CPE: variants seen among roughly 807,000 people sequenced by gnomAD.
CPE encodes carbocypeptidase E.
CPE carries 17 observed loss-of-function variants against 53.5 expected under a neutral mutation model. The observed-to-expected ratio is 0.32, with a 90% CI of 0.22 to 0.48. The LOEUF (loss-of-function observed/expected upper bound fraction) is 0.48, where lower values mean the gene tolerates loss of function less well. Ranked by LOEUF, CPE falls within the 20% of genes least tolerant of loss-of-function variation. CPE has a pLI of 0.99. For synonymous variants in CPE, 226 were observed against 228.8 expected, an observed-to-expected ratio of 0.99 and a Z score of 0.11; for missense variants, 524 against 614.7, an observed-to-expected ratio of 0.85 and a Z score of 1.56.
intron 1 of CPE, among the ~76,000 whole-genome samples, chr4:165,407,942 A>G (rs1382093132): frequency 6.6e-6 from 1 of 151,778 alleles, no homozygotes; most frequent in South Asian, 2.1e-4. Flanking sequence ...CAGCCTCCCA[A>G]TTAGCTGAGA....
At chr4:165,439,998 T>G (rs1731579975) in intron 1 of CPE, among the ~76,000 whole-genome samples, 1 of 152,226 alleles carries the variant, frequency 6.6e-6, no homozygotes, top group South Asian at 2.1e-4. Context: ...TTTAATACCT[T>G]AGCTCAAAGA....
intron 1 of CPE, among the ~76,000 whole-genome samples, chr4:165,427,414 T>C (rs11728234): frequency 0.3 from 44,935 of 152,070 alleles, 6,734 homozygotes; most frequent in Middle Eastern, 0.39. Context: ...CATAAACATT[T>C]CCTGAACCAT....
chr4:165,466,730 A>T (rs1043064015), intron 2 of CPE, among the ~76,000 whole-genome samples: 5 of 152,064 alleles, frequency 3.3e-5, no homozygotes, highest in African/African-American at 1.2e-4. Flanking sequence ...GTTGGCCAGG[A>T]TGGTCTTGAT....
chr4:165,393,208 T>C (rs1394892070), intron 1 of CPE, among the ~76,000 whole-genome samples: 1 of 152,134 alleles, frequency 6.6e-6, no homozygotes, highest in East Asian at 1.9e-4. Context: ...TTTGAGTTAT[T>C]GAAGGAGAAT....
At chr4:165,481,014 A>T (rs200675759) in intron 3 of CPE, among the ~76,000 whole-genome samples, 1,046 of 52,838 alleles carry the variant, frequency 0.02, 11 homozygotes, top group African/African-American at 0.032. Context: ...ATATATATAT[A>T]TATTTTTTTT....
intron 1 of CPE, among the ~76,000 whole-genome samples, chr4:165,450,727 T>C (rs897273725): frequency 6.6e-6 from 1 of 152,214 alleles, no homozygotes; most frequent in African/African-American, 2.4e-5. Flanking sequence ...GTATCTAACA[T>C]CAGATTTAAT....
At chr4:165,467,418 T>C (rs1732127679) in intron 2 of CPE, among the ~76,000 whole-genome samples, 1 of 152,216 alleles carries the variant, frequency 6.6e-6, no homozygotes, top group African/African-American at 2.4e-5. Flanking sequence ...GCAATAGGAA[T>C]TTTTCACCTC....
At chr4:165,412,809 A>G (rs1731062229) in intron 1 of CPE, among the ~76,000 whole-genome samples, 1 of 152,234 alleles carries the variant, frequency 6.6e-6, no homozygotes, top group Admixed American at 6.5e-5. Context: ...TAGAGTCATC[A>G]TCTTCACCTC....
intron 1 of CPE, among the ~76,000 whole-genome samples, chr4:165,391,686 C>T (rs1443209325): frequency 1.3e-5 from 2 of 152,076 alleles, no homozygotes; most frequent in African/African-American, 2.4e-5. Flanking sequence ...ATATTTGTAG[C>T]GCGAATGTAC....
At chr4:165,458,543 C>G (rs1029678089) in intron 1 of CPE, among the ~76,000 whole-genome samples, 1 of 152,172 alleles carries the variant, frequency 6.6e-6, no homozygotes, top group African/African-American at 2.4e-5. Context: ...TGGGAGAATT[C>G]TGTTACTATA....
intron 3 of CPE, among the ~76,000 whole-genome samples, chr4:165,472,652 T>C (rs72703689): frequency 0.15 from 22,183 of 152,206 alleles, 1,975 homozygotes; most frequent in East Asian, 0.24. Flanking sequence ...TGATTAGGCA[T>C]AGAATTTTTT....
At chr4:165,411,772 G>A (rs540745672) in intron 1 of CPE, among the ~76,000 whole-genome samples, 1 of 152,286 alleles carries the variant, frequency 6.6e-6, no homozygotes, top group East Asian at 1.9e-4. Flanking sequence ...AGTGAAAAGT[G>A]TGCTCTTGTT....
At chr4:165,481,016 A>ATATT (rs1491161430) in intron 3 of CPE, among the ~76,000 whole-genome samples, 2 of 110,996 alleles carry the variant, frequency 1.8e-5, no homozygotes, top group South Asian at 3.2e-4. Context: ...ATATATATAT[A>ATATT]TTTTTTTTTT....
intron 4 of CPE, 141 bp from the exon 5 acceptor site, chr4:165,484,281 A>C: frequency 1.3e-6 from 1 of 763,410 alleles, no homozygotes. Flanking sequence ...TTAGTATTTA[A>C]ATTTTACCTC....
chr4:165,484,654 T>A, intron 5 of CPE, 50 bp downstream of exon 5: 1 of 1,536,840 alleles, frequency 6.5e-7, no homozygotes, highest in Non-Finnish European at 8.9e-7. Context: ...TTATTTACAA[T>A]GACCATTTAG....
At chr4:165,452,880 T>C (rs1731835410) in intron 1 of CPE, among the ~76,000 whole-genome samples, 1 of 152,200 alleles carries the variant, frequency 6.6e-6, no homozygotes, top group Non-Finnish European at 1.5e-5. Context: ...TCAAACCTTC[T>C]GAAGGATGAC....
At chr4:165,404,389 TAAAA>T (rs1730919969) in intron 1 of CPE, 2 of 766,586 alleles carry the variant, frequency 2.6e-6, no homozygotes, top group East Asian at 4.9e-5. Flanking sequence ...TCAGACTTGC[TAAAA>T]TACCGTTCAT....
chr4:165,476,791 C>T (rs1170774169), intron 3 of CPE, among the ~76,000 whole-genome samples: 1 of 152,186 alleles, frequency 6.6e-6, no homozygotes, highest in Non-Finnish European at 1.5e-5. Flanking sequence ...CTGGCAGAAC[C>T]TGATAAGTGA....
At chr4:165,423,305 T>C (rs1009703576) in intron 1 of CPE, among the ~76,000 whole-genome samples, 1 of 152,206 alleles carries the variant, frequency 6.6e-6, no homozygotes, top group African/African-American at 2.4e-5. Context: ...CTTTTCCTTT[T>C]AGCTTAGTGA....
Sources: gnomAD v4.1 joint callset for allele counts (sites outside exome capture counted in the v4.1 genomes callset) on GRCh38, gnomAD v4.1.1 for gene constraint, MANE v1.5 for transcripts, NCBI Gene and HGNC (gene_info 2026-07-23, HGNC 2026-07-21) for gene names.